ABCG8: variants seen among roughly 807,000 people sequenced by gnomAD.
ABCG8 encodes the protein ATP-binding cassette sub-family G member 8.
ABCG8 carries 81 observed loss-of-function variants against 71.3 expected under a neutral mutation model. The ratio of observed to expected loss-of-function variants is 1.14; its 90% CI spans 0.95 to 1.37. ABCG8 has a LOEUF of 1.37. Ranked by LOEUF, ABCG8 falls within the 40% of genes most tolerant of loss-of-function variation. The pLI is 0.00. For synonymous variants in ABCG8, 451 were observed against 354.7 expected (o/e 1.27, Z -3.05); for missense variants, 1,119 against 866.2 (o/e 1.29, Z -3.66).
At chr2:43,875,031 C>A in intron 10 of ABCG8, 115 bp from the exon 11 acceptor site, 1 of 1,449,936 alleles carries the variant, frequency 6.9e-7, no homozygotes, top group Non-Finnish European at 9.5e-7. Context: ...CTGCCACAGC[C>A]TCATCATCAC....
rs200631750 is a variant in ABCG8, at chr2:43,851,712, G to A, written c.451G>A (p.Val151Met). ...GCTGGTGAGGAAGTGTGTGGCCCACGTGCGCCAGCACAACCAGCTGCTCCC... is the reference window on the plus strand; with the variant it reads ...GCTGGTGAGGAAGTGTGTGGCCCACATGCGCCAGCACAACCAGCTGCTCCC... ...PQLVRKCVAH[V>M]RQHNQLLPNL... is the part of the protein sequence containing the mutation. Residue 151 changes from valine to methionine, a missense_variant, in exon 4 of 13, where the codon GTG becomes ATG. Val to Met is a conservative substitution (Grantham distance 21). Transcript: ENST00000272286. The A allele has an allele frequency of 3.4e-5, 55 of 1,614,216 alleles. No homozygotes were observed. Among genetic ancestry groups the A allele is most frequent in the Admixed American group, 1.2e-4 (7 of 60,034 alleles).
intron 2 of ABCG8, 142 bp downstream of exon 2, chr2:43,844,750 G>A (rs1668691551): frequency 5.9e-6 from 4 of 680,276 alleles, no homozygotes; most frequent in East Asian, 2.7e-5. Context: ...TGCCTCACGT[G>A]TCAGGTGCAA....
chr2:43,840,490 C>G (rs981556335), intron 1 of ABCG8, among the ~76,000 whole-genome samples: 1 of 152,216 alleles, frequency 6.6e-6, no homozygotes, highest in African/African-American at 2.4e-5. Context: ...TCCCTTCTGT[C>G]CGATCCTGTC....
chr2:43,854,919 G>T (rs60633742), intron 6 of ABCG8, among the ~76,000 whole-genome samples: 8,209 of 152,244 alleles, frequency 0.054, 272 homozygotes, highest in Middle Eastern at 0.11. Flanking sequence ...TTAGGAGGCA[G>T]GGGCTGATCA....
At chr2:43,872,516 G>T (rs1207230298) in intron 8 of ABCG8, among the ~76,000 whole-genome samples, 1 of 152,164 alleles carries the variant, frequency 6.6e-6, no homozygotes, top group Non-Finnish European at 1.5e-5. Context: ...AAGTTCAGGA[G>T]TTCGAGACCA....
intron 6 of ABCG8, among the ~76,000 whole-genome samples, chr2:43,863,920 G>A (rs1194397732): frequency 1.3e-5 from 2 of 150,722 alleles, no homozygotes; most frequent in African/African-American, 2.4e-5. Flanking sequence ...TTCACCGTCC[G>A]GAAACATCTC....
intron 1 of ABCG8, among the ~76,000 whole-genome samples, chr2:43,839,409 T>C (rs1272741451): frequency 1.1e-3 from 16 of 14,708 alleles, no homozygotes; most frequent in Non-Finnish European, 1.2e-3. Context: ...TTCTCTTTTT[T>C]TTTTTTTTTT....
At chr2:43,858,552 A>C (rs950709139) in intron 6 of ABCG8, among the ~76,000 whole-genome samples, 10 of 149,922 alleles carry the variant, frequency 6.7e-5, no homozygotes, top group African/African-American at 2.0e-4. Flanking sequence ...ATAGAACTCT[A>C]TCTGTCTGGA....
rs1445911286 is a variant in ABCG8, at chr2:43,882,596, C to T, written c.*4683C>T. ...GCACTAGATAATTCAGATTTCAAGT[C>T]ATCTGTCATTCGTACTTGATAATGA... On this transcript the variant is annotated 3_prime_UTR_variant, in exon 13 of 13. Coordinates refer to ENST00000272286, the MANE Select transcript of ABCG8 (RefSeq NM_022437.3). The T allele has an allele frequency of 1.3e-5, 2 of 152,248 alleles. No homozygotes were observed. The highest frequency in any genetic ancestry group is 2.9e-5 in the Non-Finnish European group (2 of 68,048). 9.4% of individuals were successfully genotyped at this position (152,248 alleles called of 1,614,324 possible). A position where few individuals can be genotyped will look rare whatever the true frequency, so the allele number is the denominator to read the frequency against.
chr2:43,866,263 A>G (rs1463640718), intron 6 of ABCG8, among the ~76,000 whole-genome samples: 1 of 151,230 alleles, frequency 6.6e-6, no homozygotes, highest in East Asian at 1.9e-4. Context: ...CCTAGGCATT[A>G]CCATTCAGGA....
At chr2:43,872,337 G>A (rs760207833) in intron 8 of ABCG8, 31 bp downstream of exon 8, 16 of 1,592,470 alleles carry the variant, frequency 1.0e-5, no homozygotes, top group Middle Eastern at 1.7e-4. Flanking sequence ...TACTGAACCC[G>A]CCCCCCTGCC....
chr2:43,874,104 T>C, intron 9 of ABCG8, 118 bp downstream of exon 9: 1 of 1,154,546 alleles, frequency 8.7e-7, no homozygotes, highest in Non-Finnish European at 1.3e-6. Flanking sequence ...AAGACAATAA[T>C]GTTTTTAAAG....
chr2:43,845,355 C>G (rs1668711966), intron 2 of ABCG8, among the ~76,000 whole-genome samples: 1 of 152,024 alleles, frequency 6.6e-6, no homozygotes, highest in East Asian at 1.9e-4. Flanking sequence ...GAGCCTTTCT[C>G]TGCTCTGCCA....
intron 6 of ABCG8, among the ~76,000 whole-genome samples, chr2:43,859,115 C>T (rs977832643): frequency 6.6e-6 from 1 of 151,154 alleles, no homozygotes; most frequent in African/African-American, 2.4e-5. Flanking sequence ...ATAGAATTCT[C>T]ACTGTCTGGA....
chr2:43,849,521 G>C (rs1039564507), intron 3 of ABCG8, among the ~76,000 whole-genome samples: 2 of 152,148 alleles, frequency 1.3e-5, no homozygotes, highest in Non-Finnish European at 2.9e-5. Context: ...CCCTCGACAC[G>C]TGGGGATTAC....
intron 6 of ABCG8, among the ~76,000 whole-genome samples, chr2:43,868,602 G>A (rs1202384736): frequency 6.6e-6 from 1 of 150,904 alleles, no homozygotes; most frequent in African/African-American, 2.4e-5. Flanking sequence ...AATAATCATC[G>A]TCTGGATAGA....
At chr2:43,861,147 G>T (rs144858610) in intron 6 of ABCG8, among the ~76,000 whole-genome samples, 8 of 150,296 alleles carry the variant, frequency 5.3e-5, no homozygotes, top group African/African-American at 1.9e-4. Context: ...TCTACATAGA[G>T]CTCTCGCTAT....
At chr2:43,866,140 A>G (rs868715131) in intron 6 of ABCG8, among the ~76,000 whole-genome samples, 3 of 152,212 alleles carry the variant, frequency 2.0e-5, no homozygotes, top group Middle Eastern at 6.8e-3. Flanking sequence ...CTGGCTAGCC[A>G]TATGTAGAAA....
intron 2 of ABCG8, among the ~76,000 whole-genome samples, chr2:43,845,915 C>A (rs181708245): frequency 6.6e-6 from 1 of 152,206 alleles, no homozygotes; most frequent in African/African-American, 2.4e-5. Flanking sequence ...AGCCACCATG[C>A]CTGGCCTGTA....
Sources: gnomAD v4.1 joint callset for allele counts (sites outside exome capture counted in the v4.1 genomes callset) on GRCh38, gnomAD v4.1.1 for gene constraint, MANE v1.5 for transcripts, NCBI Gene and HGNC (gene_info 2026-07-23, HGNC 2026-07-21) for gene names.